PIGF: variants seen among roughly 807,000 people sequenced by gnomAD.
The protein encoded by PIGF is phosphatidylinositol glycan anchor biosynthesis class F.
In PIGF, 23 loss-of-function variants were observed where a neutral mutation model predicts 26.0. The observed-to-expected ratio is 0.88, with a 90% CI of 0.64 to 1.25. The LOEUF (loss-of-function observed/expected upper bound fraction) is 1.25. Among genes scored for constraint, PIGF ranks in the 50% most tolerant of loss-of-function variants. The pLI is 0.00. For synonymous variants in PIGF, 93 were observed against 92.6 expected, an observed-to-expected ratio of 1.00 and a Z score of -0.03; for missense variants, 278 against 249.9, an observed-to-expected ratio of 1.11 and a Z score of -0.76.
At chr2:46,613,886 A>G in intron 2 of PIGF, 101 bp from the exon 3 acceptor site, 4 of 980,840 alleles carry the variant, frequency 4.1e-6, no homozygotes, top group African/African-American at 1.7e-5. Context: ...ATAATGTGTA[A>G]AACAGTTCAA....
At chr2:46,602,469 T>C (rs543553763) in intron 4 of PIGF, among the ~76,000 whole-genome samples, 13 of 152,010 alleles carry the variant, frequency 8.6e-5, no homozygotes, top group Middle Eastern at 3.4e-3. Flanking sequence ...ACAACATTTA[T>C]ATTGATTCAA....
At chr2:46,591,824 T>C (rs1447231142) in intron 5 of PIGF, 1 of 1,298,982 alleles carries the variant, frequency 7.7e-7, no homozygotes, top group Non-Finnish European at 1.0e-6. Flanking sequence ...TTACCTAGCA[T>C]ATCAGCTTTA....
rs17035318 is a variant in PIGF at position 46,581,907 on chromosome 2, C to T, written c.547-316G>A. 9.8e-4 allele frequency: 220 copies of T among 224,088 alleles called. 3 individuals carry two copies. The East Asian group carries it at 0.015, about 15-fold the overall frequency. The allele number at this position is 224,088 out of a possible 1,614,324, so 13.9% of individuals were successfully genotyped here. ...CCATAATGATAGACTCAATTTAGCT[C>T]TCTGAACTAGTTGGTAATTTTTTTT... is the stretch of plus-strand genomic sequence containing the variant. On this transcript the variant is annotated intron_variant, in intron 5 of 5. Coordinates refer to ENST00000281382, the MANE Select transcript of PIGF (RefSeq NM_002643.4).
intron 4 of PIGF, among the ~76,000 whole-genome samples, chr2:46,607,294 T>C (rs915402263): frequency 6.6e-6 from 1 of 152,192 alleles, no homozygotes; most frequent in Admixed American, 6.5e-5. Flanking sequence ...GCAACCCTTC[T>C]CATGTCTATT....
intron 5 of PIGF, chr2:46,591,802 C>A (rs1039388528): frequency 7.9e-6 from 10 of 1,273,490 alleles, no homozygotes; most frequent in Non-Finnish European, 1.0e-5. Context: ...AGAGCACTTA[C>A]CTCACAGTGC....
At chr2:46,612,097 CT>C in intron 4 of PIGF, 130 bp downstream of exon 4, 1 of 378,650 alleles carries the variant, frequency 2.6e-6, no homozygotes, top group East Asian at 4.1e-5. Flanking sequence ...GCAGTGACCC[CT>C]TAAGGCATCT....
chr2:46,609,991 A>C (rs1476777355), intron 4 of PIGF, among the ~76,000 whole-genome samples: 1 of 152,254 alleles, frequency 6.6e-6, no homozygotes, highest in African/African-American at 2.4e-5. Context: ...ATTTATAAAA[A>C]ACAGTATCTG....
At chr2:46,600,898 T>A (rs1670035658) in intron 4 of PIGF, among the ~76,000 whole-genome samples, 1 of 151,932 alleles carries the variant, frequency 6.6e-6, no homozygotes. Flanking sequence ...AGTTTAACTA[T>A]TTTGTTTTAA....
intron 4 of PIGF, among the ~76,000 whole-genome samples, chr2:46,610,101 T>C (rs1670361990): frequency 6.6e-6 from 1 of 152,258 alleles, no homozygotes; most frequent in South Asian, 2.1e-4. Context: ...TGTGCTACCA[T>C]TTTTATTAAG....
intron 5 of PIGF, 94 bp downstream of exon 5, chr2:46,592,381 C>T: frequency 1.4e-6 from 1 of 708,402 alleles, no homozygotes; most frequent in Non-Finnish European, 2.5e-6. Flanking sequence ...AATTGAACAA[C>T]AAAACAATTT....
chr2:46,605,459 A>C (rs1215605041), intron 4 of PIGF, among the ~76,000 whole-genome samples: 1 of 152,168 alleles, frequency 6.6e-6, no homozygotes, highest in Non-Finnish European at 1.5e-5. Context: ...AATTGCAGTA[A>C]GGACTGAAAG....
intron 4 of PIGF, among the ~76,000 whole-genome samples, chr2:46,608,740 C>G (rs1184186924): frequency 1.3e-5 from 2 of 152,116 alleles, no homozygotes; most frequent in African/African-American, 4.8e-5. Flanking sequence ...GGTGACTAGG[C>G]ACATTGTCAA....
chr2:46,613,857 A>G, intron 2 of PIGF, 72 bp from the exon 3 acceptor site: 2 of 1,268,226 alleles, frequency 1.6e-6, no homozygotes, highest in Non-Finnish European at 1.1e-6. Context: ...CATTTCATCT[A>G]CAAACACAAC....
intron 4 of PIGF, among the ~76,000 whole-genome samples, chr2:46,604,575 T>C (rs544470128): frequency 1.3e-5 from 2 of 151,944 alleles, no homozygotes; most frequent in Non-Finnish European, 2.9e-5. Flanking sequence ...TGGACAGAAC[T>C]GGAGGTCATT....
chr2:46,607,009 A>G (rs1201115351), intron 4 of PIGF, among the ~76,000 whole-genome samples: 1 of 152,252 alleles, frequency 6.6e-6, no homozygotes, highest in Non-Finnish European at 1.5e-5. Flanking sequence ...GTCACAAAAG[A>G]TCACATAAGA....
In PIGF at chr2:46,581,113, C is replaced by T. The variant is rs770951853; in HGVS notation, c.*365G>A. 6.9e-7 allele frequency: 1 copy of T among 1,442,868 alleles called. No individual in the cohort carries two copies. The highest frequency in any genetic ancestry group is 2.4e-5 in the Admixed American group (1 of 41,652). 89.4% of individuals were successfully genotyped at this position (1,442,868 alleles called of 1,614,324 possible). A position where few individuals can be genotyped will look rare whatever the true frequency, so the allele number is the denominator to read the frequency against. On this transcript the variant is annotated 3_prime_UTR_variant, in exon 6 of 6. Coordinates refer to ENST00000281382, the MANE Select transcript of PIGF (RefSeq NM_002643.4). ...CATCTTCAGTGGCCAAGGAAACTGT[C>T]CATTTCTCTCAGAAAGCAAATGAAA...
At chr2:46,605,569 C>G (rs1489162838) in intron 4 of PIGF, among the ~76,000 whole-genome samples, 1 of 152,142 alleles carries the variant, frequency 6.6e-6, no homozygotes, top group African/African-American at 2.4e-5. Context: ...AGTTCTGACA[C>G]AGCCCTGCAA....
At chr2:46,584,364 T>TA (rs572623310) in intron 5 of PIGF, among the ~76,000 whole-genome samples, 16 of 152,126 alleles carry the variant, frequency 1.1e-4, no homozygotes, top group African/African-American at 2.7e-4. Context: ...TATACTCTGT[T>TA]AAAAAAAGCT....
intron 2 of PIGF, 139 bp from the exon 3 acceptor site, chr2:46,613,924 C>G: frequency 2.8e-6 from 2 of 706,822 alleles, no homozygotes; most frequent in Non-Finnish European, 4.7e-6. Context: ...CAAATCAGAT[C>G]ACATGTCCTG....
Sources: allele counts gnomAD v4.1 joint callset (sites outside exome capture counted in the v4.1 genomes callset), GRCh38; gene constraint gnomAD v4.1.1; transcripts MANE v1.5; gene names NCBI Gene and HGNC (gene_info 2026-07-23, HGNC 2026-07-21).